TNFRSF1B: variants seen among roughly 807,000 people sequenced by gnomAD.
TNFRSF1B encodes tumor necrosis factor receptor superfamily member 1B.
In TNFRSF1B, 19 loss-of-function variants were observed where a neutral mutation model predicts 44.6. The ratio of observed to expected loss-of-function variants is 0.43; its 90% CI spans 0.30 to 0.62. The LOEUF (loss-of-function observed/expected upper bound fraction) is 0.62, where lower values mean the gene tolerates loss of function less well. TNFRSF1B is among the 20% of genes least tolerant of loss of function. The pLI is 0.16. For synonymous variants in TNFRSF1B, 252 were observed against 261.1 expected (o/e 0.97, Z 0.34); for missense variants, 541 against 619.9 (o/e 0.87, Z 1.35).
intron 1 of TNFRSF1B, among the ~76,000 whole-genome samples, chr1:12,174,157 T>C (rs964747890): frequency 2.3e-4 from 23 of 98,568 alleles, no homozygotes; most frequent in Admixed American, 3.1e-4. Context: ...TTCTTCTTCT[T>C]CTTCTTCTCC....
intron 1 of TNFRSF1B, among the ~76,000 whole-genome samples, chr1:12,183,674 A>AT (rs759769205): frequency 4.8e-5 from 6 of 124,378 alleles, no homozygotes; most frequent in African/African-American, 1.7e-4. Context: ...CTATCTATCT[A>AT]TCTATCTATC....
chr1:12,183,656 T>TCTATCTATC (rs1638865558), intron 1 of TNFRSF1B, among the ~76,000 whole-genome samples: 1 of 125,280 alleles, frequency 8.0e-6, no homozygotes, highest in African/African-American at 3.1e-5. Context: ...TTTATCTATT[T>TCTATCTATC]TATCTATCTA....
At chr1:12,194,731 T>G (rs1570163577) in intron 8 of TNFRSF1B, 113 bp downstream of exon 8, 1 of 1,368,872 alleles carries the variant, frequency 7.3e-7, no homozygotes, top group Non-Finnish European at 1.0e-6. Flanking sequence ...TGTCAGGAGG[T>G]GTGCAGAGCC....
intron 2 of TNFRSF1B, 34 bp from the exon 3 acceptor site, chr1:12,190,923 G>A: frequency 6.2e-7 from 1 of 1,606,454 alleles, no homozygotes. Flanking sequence ...CAGAAGGCTC[G>A]CCCAGCTGAG....
At chr1:12,167,304 C>A (rs977592823) in intron 1 of TNFRSF1B, 135 bp downstream of exon 1, 211 of 618,400 alleles carry the variant, frequency 3.4e-4, no homozygotes, top group Non-Finnish European at 4.3e-4. Context: ...CCAGTCGCCG[C>A]CCCCCATCCG....
intron 9 of TNFRSF1B, among the ~76,000 whole-genome samples, chr1:12,204,448 C>A (rs1019382051): frequency 6.6e-6 from 1 of 152,220 alleles, no homozygotes; most frequent in Non-Finnish European, 1.5e-5. Context: ...ATCCACCTCC[C>A]GGCTACCCTA....
At position 12,178,728 on chromosome 1, in the gene TNFRSF1B, A is replaced by C. The variant is rs1638721927; in HGVS notation, c.79-10068A>C. ...GGGCAGAGGCAGCAGCAGTACGGGC[A>C]TGGAGAAGGGGGCGGAGGAGCCAGG... On this transcript the variant is annotated intron_variant, in intron 1 of 9. Coordinates refer to ENST00000376259, the MANE Select transcript of TNFRSF1B (RefSeq NM_001066.3). This position sits in a 1 kb window ranked among gnomAD's most constrained non-coding sequence, Gnocchi z 4.3. Among the ~76,000 whole-genome samples the C allele has an allele frequency of 6.6e-6, 1 of 152,136 alleles. No homozygotes were observed. The highest frequency in any genetic ancestry group is 2.1e-4 in the South Asian group (1 of 4,822).
chr1:12,198,811 C>T (rs1294666502), intron 8 of TNFRSF1B, among the ~76,000 whole-genome samples: 15 of 151,240 alleles, frequency 9.9e-5, no homozygotes, highest in Middle Eastern at 3.4e-3. Context: ...CTGCCTCAGC[C>T]TCCCAAGTAG....
chr1:12,196,547 A>T (rs2101115450), intron 8 of TNFRSF1B, among the ~76,000 whole-genome samples: 1 of 152,302 alleles, frequency 6.6e-6, no homozygotes, highest in Non-Finnish European at 1.5e-5. Context: ...CCCGAAGCTT[A>T]CACCAGGTGT....
At chr1:12,185,824 GC>G (rs1638974624) in intron 1 of TNFRSF1B, among the ~76,000 whole-genome samples, 2 of 152,194 alleles carry the variant, frequency 1.3e-5, no homozygotes, top group African/African-American at 4.8e-5. Flanking sequence ...AGGCTGTGGG[GC>G]AACAGCAAAG....
intron 1 of TNFRSF1B, among the ~76,000 whole-genome samples, chr1:12,173,394 G>A (rs1638563806): frequency 6.6e-6 from 1 of 152,152 alleles, no homozygotes; most frequent in African/African-American, 2.4e-5. Context: ...CTTGCTTTGG[G>A]TGGATTGATT....
At chr1:12,189,132 C>T (rs569176835) in intron 2 of TNFRSF1B, among the ~76,000 whole-genome samples, 2 of 152,328 alleles carry the variant, frequency 1.3e-5, no homozygotes, top group African/African-American at 4.8e-5. Context: ...CTGAAGATGT[C>T]CCCTCTTCCA....
Position 12,178,357 on chromosome 1 carries a change from G to T in TNFRSF1B, c.79-10439G>T, listed in dbSNP as rs973436004. Among the ~76,000 whole-genome samples, 2 of 152,150 alleles carry T rather than the reference G, an allele frequency of 1.3e-5. No individual in the cohort carries two copies. Among genetic ancestry groups the T allele is most frequent in the Non-Finnish European group, 1.5e-5 (1 of 68,024 alleles). On this transcript the variant is annotated intron_variant, in intron 1 of 9. Coordinates refer to ENST00000376259, the MANE Select transcript of TNFRSF1B (RefSeq NM_001066.3). This position sits in a 1 kb window ranked among gnomAD's most constrained non-coding sequence, Gnocchi z 4.3. ...CCGGGCACGGTGCCAAGCACGCCAC[G>T]TATACTGACTTCATGAATCATAAAG...
In TNFRSF1B at chr1:12,169,314, A is replaced by G. The variant is rs539538829; in HGVS notation, c.78+2145A>G. On this transcript the variant is annotated intron_variant, in intron 1 of 9. Coordinates refer to ENST00000376259, the MANE Select transcript of TNFRSF1B (RefSeq NM_001066.3). This position sits in a 1 kb window ranked among gnomAD's most constrained non-coding sequence, Gnocchi z 4.5. ...CATCGCCATAGCTCCTGATTTCTGA[A>G]CACCCACTAAACACCAGGCACTGGG... Among the ~76,000 whole-genome samples, 3 of 152,244 alleles carry G rather than the reference A, an allele frequency of 2.0e-5. No homozygotes were observed. In the South Asian group the frequency reaches 6.2e-4, roughly 32 times the overall value.
At chr1:12,189,821 A>T (rs994594196) in intron 2 of TNFRSF1B, among the ~76,000 whole-genome samples, 4 of 152,196 alleles carry the variant, frequency 2.6e-5, no homozygotes, top group African/African-American at 9.7e-5. Context: ...CTCTCTGAGG[A>T]GGTGACATTT....
intron 8 of TNFRSF1B, 120 bp from the exon 9 acceptor site, chr1:12,201,847 C>T: frequency 4.4e-6 from 6 of 1,358,936 alleles, no homozygotes; most frequent in South Asian, 3.0e-5. Flanking sequence ...TGGGCAGAAA[C>T]GTCACGTAAA....
intron 9 of TNFRSF1B, among the ~76,000 whole-genome samples, chr1:12,202,430 A>C: frequency 6.6e-6 from 1 of 151,950 alleles, no homozygotes; most frequent in African/African-American, 2.4e-5. Context: ...GTTTTCCTGA[A>C]ACCTTCTCCC....
In TNFRSF1B at chr1:12,180,436, A is replaced by G. The variant is rs564931682; in HGVS notation, c.79-8360A>G. 2.0e-5 allele frequency among the ~76,000 whole-genome samples: 3 copies of G among 152,272 alleles called. No individual in the cohort carries two copies. The highest frequency in any genetic ancestry group is 4.4e-5 in the Non-Finnish European group (3 of 68,004). On this transcript the variant is annotated intron_variant, in intron 1 of 9. Coordinates refer to ENST00000376259, the MANE Select transcript of TNFRSF1B (RefSeq NM_001066.3). The surrounding 1 kb of genome is among the most constrained non-coding windows in gnomAD (Gnocchi z 4.3). ...TCGCTATTTATAAATAAGAGAAGGC[A>G]TTGAGGGCCCCCACCTCGGGTACTT...
rs548003370 is a variant in TNFRSF1B, at chr1:12,168,979, C to T, written c.78+1810C>T. 3.9e-5 allele frequency among the ~76,000 whole-genome samples: 6 copies of T among 152,118 alleles called. No homozygotes were observed. In the East Asian group the frequency reaches 9.7e-4, roughly 25 times the overall value. On this transcript the variant is annotated intron_variant, in intron 1 of 9. Transcript: ENST00000376259. This position sits in a 1 kb window ranked among gnomAD's most constrained non-coding sequence, Gnocchi z 4.7. ...GCGCCTCCCTGCACATGTGCTCCCC[C>T]GCCTCTGTAGAACTGATGATGGTCA...
Sources: allele counts gnomAD v4.1 joint callset (sites outside exome capture counted in the v4.1 genomes callset), GRCh38; gene constraint gnomAD v4.1.1; non-coding constraint Gnocchi (gnomAD v3.1); transcripts MANE v1.5; gene names NCBI Gene and HGNC (gene_info 2026-07-23, HGNC 2026-07-21).